Variants in TLDC2 observed in about 807,000 individuals in gnomAD.
The protein encoded by TLDC2 is TBC/LysM-associated domain containing 2.
TLDC2 carries 23 observed loss-of-function variants against 27.9 expected under a neutral mutation model. That is an observed-to-expected ratio of 0.82 (90% confidence interval 0.59 to 1.17). TLDC2 has a LOEUF of 1.17. TLDC2 is among the 50% of genes most tolerant of loss of function. The pLI is 0.00. For missense variants in TLDC2, 286 were observed against 273.4 expected, an observed-to-expected ratio of 1.05 and a Z score of -0.32; for synonymous variants, 124 against 107.4, an observed-to-expected ratio of 1.16 and a Z score of -0.96.
In TLDC2 at chr20:36,893,730, G is replaced by A; in HGVS notation, c.*886G>A. 2.5e-6 allele frequency: 1 copy of A among 395,688 alleles called. No individual in the cohort carries two copies. Among genetic ancestry groups the A allele is most frequent in the Non-Finnish European group, 4.4e-6 (1 of 224,880 alleles). 24.5% of individuals were successfully genotyped at this position (395,688 alleles called of 1,614,324 possible). On this transcript the variant is annotated 3_prime_UTR_variant, in exon 7 of 7. Transcript: ENST00000217320. ...GGTTACAAGATGATGCACGATCTTG[G>A]AGAGCCTCTGTTGTACCAGGAATAC... is the stretch of plus-strand genomic sequence containing the variant.
intron 2 of TLDC2, among the ~76,000 whole-genome samples, chr20:36,878,633 C>T (rs977699803): frequency 6.6e-6 from 1 of 152,002 alleles, no homozygotes; most frequent in African/African-American, 2.4e-5. Flanking sequence ...CCCTTGGGAA[C>T]TGAGGCCAAA....
intron 4 of TLDC2, among the ~76,000 whole-genome samples, chr20:36,883,021 G>A (rs1013847977): frequency 4.6e-5 from 7 of 151,818 alleles, no homozygotes; most frequent in South Asian, 2.1e-4. Flanking sequence ...CTGTGTTCTC[G>A]TCCATTCCCA....
In TLDC2 at chr20:36,879,053, T is replaced by C. The variant is rs773489188; in HGVS notation, c.202T>C (p.Phe68Leu). The change falls in exon 3 of 7, where the codon TTC (phenylalanine) becomes CTC (leucine). Residue 68 changes from phenylalanine to leucine, a missense_variant. Phe to Leu is a conservative substitution (Grantham distance 22). Coordinates refer to ENST00000217320, the MANE Select transcript of TLDC2 (RefSeq NM_080628.3). ...ASEIRQLSFH[F>L]PPRVTGHPWS... ...ACCCTGTCCCCAGCTCAGCTTTCAC[T>C]TCCCACCAAGAGTCACCGGCCATCC... The C allele has an allele frequency of 2.5e-6, 4 of 1,614,178 alleles. No individual in the cohort carries two copies. In the East Asian group the frequency reaches 6.7e-5, roughly 27 times the overall value.
chr20:36,884,024 G>A (rs1989869224), intron 4 of TLDC2, among the ~76,000 whole-genome samples: 1 of 152,186 alleles, frequency 6.6e-6, no homozygotes. Flanking sequence ...AACCCGGGAG[G>A]TGGAGGTTGC....
At chr20:36,881,191 C>T (rs552815586) in intron 4 of TLDC2, among the ~76,000 whole-genome samples, 32 of 152,220 alleles carry the variant, frequency 2.1e-4, no homozygotes, top group Middle Eastern at 3.4e-3. Flanking sequence ...CCTACCTAGG[C>T]AACATAGTGA....
At chr20:36,883,614 G>A (rs1989860810) in intron 4 of TLDC2, among the ~76,000 whole-genome samples, 1 of 152,092 alleles carries the variant, frequency 6.6e-6, no homozygotes, top group Non-Finnish European at 1.5e-5. Flanking sequence ...CCACATCTGA[G>A]CTGTCAGCAA....
Position 36,893,366 on chromosome 20 carries a change from A to C in TLDC2, c.*522A>C. The stretch of plus-strand genomic sequence containing the variant: ...CTTCACACACCTTCACGGAGCACAA[A>C]CTCTGTCCTGTTTTCCCAGGAGAAA... On this transcript the variant is annotated 3_prime_UTR_variant, in exon 7 of 7. Coordinates refer to ENST00000217320, the MANE Select transcript of TLDC2 (RefSeq NM_080628.3). The C allele has an allele frequency of 2.2e-6, 1 of 446,440 alleles. No homozygotes were observed. Among genetic ancestry groups the C allele is most frequent in the Non-Finnish European group, 4.1e-6 (1 of 245,436 alleles). 27.7% of individuals were successfully genotyped at this position (446,440 alleles called of 1,614,324 possible).
intron 4 of TLDC2, among the ~76,000 whole-genome samples, chr20:36,884,519 A>G (rs539979033): frequency 1.3e-5 from 2 of 151,594 alleles, no homozygotes; most frequent in African/African-American, 2.4e-5. Flanking sequence ...CACTCGTGGG[A>G]CTCCCAAGGC....
intron 4 of TLDC2, 48 bp from the exon 5 acceptor site, chr20:36,887,407 G>T (rs773365107): frequency 4.3e-5 from 66 of 1,546,688 alleles, no homozygotes; most frequent in Non-Finnish European, 5.7e-5. Flanking sequence ...CTGCAAGGGC[G>T]GGACTCGCTC....
chr20:36,884,930 G>A (rs1239122988), intron 4 of TLDC2, among the ~76,000 whole-genome samples: 8 of 140,462 alleles, frequency 5.7e-5, no homozygotes, highest in African/African-American at 2.1e-4. Flanking sequence ...CCAGGCTGGA[G>A]TGCAGTGGGG....
chr20:36,879,679 C>CCCAAAA (rs1277681257), intron 3 of TLDC2, among the ~76,000 whole-genome samples: 5 of 151,748 alleles, frequency 3.3e-5, no homozygotes, highest in African/African-American at 4.8e-5. Flanking sequence ...TCTAAAAAAA[C>CCCAAAA]CCAAAACCAA....
rs114791229 is a variant in TLDC2 at position 36,892,644 on chromosome 20, T to C, written c.*18-218T>C. 1,012 of 415,224 alleles carry C rather than the reference T, an allele frequency of 2.4e-3. 3 individuals carry two copies. The highest frequency in any genetic ancestry group is 0.013 in the African/African-American group (663 of 49,142). The allele number at this position is 415,224 out of a possible 1,614,324, so 25.7% of individuals were successfully genotyped here. A position where few individuals can be genotyped will look rare whatever the true frequency, so the allele number is the denominator to read the frequency against. ...CTTGTCTCTTAAAAAAGAAAAAAAA[T>C]AGAGTTCAGAATAGATAAAAGAGTT... On this transcript the variant is annotated intron_variant, in intron 6 of 6. Transcript: ENST00000217320.
In TLDC2 at chr20:36,876,198, C is replaced by T; in HGVS notation, c.24C>T (p.Tyr8=). ...GAATGAGAGGCCTCCGCTGGCGTTA[C>T]ACTCGGCTGGTAAGGGTTCCAACTC... The part of the protein sequence containing the change: MRGLRWR[Y]TRLPSQVEDT... Residue 8 remains tyrosine (Y), a synonymous_variant, in exon 1 of 7, where the codon TAC becomes TAT. Transcript: ENST00000217320. The T allele has an allele frequency of 1.2e-6, 2 of 1,614,168 alleles. No homozygotes were observed. Among genetic ancestry groups the T allele is most frequent in the Non-Finnish European group, 1.7e-6 (2 of 1,180,006 alleles).
chr20:36,881,948 C>T (rs990903654), intron 4 of TLDC2, among the ~76,000 whole-genome samples: 2 of 152,214 alleles, frequency 1.3e-5, no homozygotes, highest in East Asian at 1.9e-4. Flanking sequence ...TGGAAGACAG[C>T]GGCAGAAACC....
chr20:36,878,123 C>A (rs1164021961), intron 2 of TLDC2, 69 bp downstream of exon 2: 1 of 1,501,036 alleles, frequency 6.7e-7, no homozygotes, highest in African/African-American at 1.4e-5. Flanking sequence ...CTGCCCTACA[C>A]CAGCCACGCC....
chr20:36,893,957 C>CAGG lies in TLDC2; in HGVS notation c.*1114_*1116dup, dbSNP rs1445013455. The CAGG allele has an allele frequency of 2.5e-6, 1 of 398,428 alleles. No individual in the cohort carries two copies. Among genetic ancestry groups the CAGG allele is most frequent in the Non-Finnish European group, 4.4e-6 (1 of 226,074 alleles). The allele number at this position is 398,428 out of a possible 1,614,324, so 24.7% of individuals were successfully genotyped here. On this transcript the variant is annotated 3_prime_UTR_variant, in exon 7 of 7. Coordinates refer to ENST00000217320, the MANE Select transcript of TLDC2 (RefSeq NM_080628.3). ...GGAGGTGAGAAGAGGGCAGAGAAGT[C>CAGG]AGGTTTTTTCTCTCCCTACCTCCTC...
At chr20:36,882,526 C>CT (rs995143861) in intron 4 of TLDC2, among the ~76,000 whole-genome samples, 10 of 147,388 alleles carry the variant, frequency 6.8e-5, no homozygotes, top group Non-Finnish European at 1.4e-4. Context: ...GATGCTGTCT[C>CT]TTAAAAAAAA....
intron 5 of TLDC2, 54 bp from the exon 6 acceptor site, chr20:36,889,196 TG>T (rs1474415656): frequency 6.3e-7 from 1 of 1,591,970 alleles, no homozygotes; most frequent in Non-Finnish European, 8.6e-7. Flanking sequence ...TGGCAGAGCC[TG>T]GGGGTTTCAG....
At chr20:36,887,997 A>T (rs78608168) in intron 5 of TLDC2, among the ~76,000 whole-genome samples, 7,400 of 152,094 alleles carry the variant, frequency 0.049, 588 homozygotes, top group African/African-American at 0.17. Flanking sequence ...GAGGGCGGGG[A>T]TGAGAGCATT....
Sources: gnomAD v4.1 joint callset for allele counts (sites outside exome capture counted in the v4.1 genomes callset) on GRCh38, gnomAD v4.1.1 for gene constraint, MANE v1.5 for transcripts, NCBI Gene and HGNC (gene_info 2026-07-23, HGNC 2026-07-21) for gene names.